Variants in HMCN2 observed in about 807,000 individuals in gnomAD.
HMCN2 encodes the protein hemicentin-2.
A neutral mutation model predicts 377.5 loss-of-function variants in HMCN2; 325 were observed. The ratio of observed to expected loss-of-function variants is 0.86; its 90% CI spans 0.79 to 0.94. The LOEUF (loss-of-function observed/expected upper bound fraction) is 0.94. HMCN2 is among the 40% of genes least tolerant of loss of function. The pLI is 0.00. For missense variants in HMCN2, 4,543 were observed against 4,725.3 expected, an observed-to-expected ratio of 0.96 and a Z score of 1.13; for synonymous variants, 2,007 against 2,046.8, an observed-to-expected ratio of 0.98 and a Z score of 0.53.
chr9:130,384,904 G>C, intron 59 of HMCN2, 106 bp downstream of exon 59: 1 of 717,160 alleles, frequency 1.4e-6, no homozygotes, highest in Non-Finnish European at 2.1e-6. Flanking sequence ...GGAGGCACAG[G>C]GGGAGGCTGG....
At chr9:130,372,186 T>G (rs1841058698) in intron 46 of HMCN2, 108 bp from the exon 47 acceptor site, 1 of 197,702 alleles carries the variant, frequency 5.1e-6, no homozygotes, top group African/African-American at 2.4e-5. Context: ...GAGACAGACA[T>G]GTACACGCCT....
At chr9:130,334,816 C>CCTCT (rs1222248900) in intron 22 of HMCN2, among the ~76,000 whole-genome samples, 1 of 141,550 alleles carries the variant, frequency 7.1e-6, no homozygotes, top group African/African-American at 2.6e-5. Flanking sequence ...CTCTCTCTCT[C>CCTCT]CTCTCTCTCT....
chr9:130,397,316 C>G (rs1038063810), intron 73 of HMCN2, among the ~76,000 whole-genome samples: 1 of 152,192 alleles, frequency 6.6e-6, no homozygotes, highest in African/African-American at 2.4e-5. Flanking sequence ...GAAAGACCCG[C>G]CCCCCAATTC....
chr9:130,392,857 C>CTGG (rs1842400988), intron 66 of HMCN2, among the ~76,000 whole-genome samples: 1 of 151,026 alleles, frequency 6.6e-6, no homozygotes, highest in South Asian at 2.1e-4. Context: ...TTAGCCGGGC[C>CTGG]TGGTGGCGGG....
At chr9:130,288,032 C>T (rs189931584) in intron 4 of HMCN2, among the ~76,000 whole-genome samples, 4 of 152,314 alleles carry the variant, frequency 2.6e-5, no homozygotes, top group East Asian at 1.9e-4. Context: ...AGCCTACCCT[C>T]GCACCGAGTC....
At chr9:130,382,541 A>G in intron 55 of HMCN2, 138 bp from the exon 56 acceptor site, 2 of 203,168 alleles carry the variant, frequency 9.8e-6, no homozygotes, top group Non-Finnish European at 1.7e-5. Flanking sequence ...TAGCTGCATC[A>G]GGGATTGGGA....
rs1841349977 is a variant in HMCN2, at chr9:130,375,864, G to GCC, written c.7805-8_7805-7dup. The GCC allele has an allele frequency of 2.5e-5, 25 of 985,536 alleles. No homozygotes were observed. Among genetic ancestry groups the GCC allele is most frequent in the Non-Finnish European group, 3.0e-5 (25 of 829,710 alleles). The allele number at this position is 985,536 out of a possible 1,614,324, so 61.0% of individuals were successfully genotyped here. A position where few individuals can be genotyped will look rare whatever the true frequency, so the allele number is the denominator to read the frequency against. On this transcript the variant is annotated splice_polypyrimidine_tract_variant and intron_variant, in intron 50 of 97. Transcript: ENST00000683500. ...AGATTTGGGGTGACCCTGGCCACTG[G>GCC]CCCCCACACAGGTACCCACGGGCTG...
intron 4 of HMCN2, among the ~76,000 whole-genome samples, chr9:130,286,920 T>A (rs1554927990): frequency 1.3e-5 from 2 of 151,988 alleles, no homozygotes; most frequent in African/African-American, 4.8e-5. Flanking sequence ...CATGGTATCA[T>A]CCTGTTCAGG....
At chr9:130,285,421 G>A in intron 3 of HMCN2, 105 bp downstream of exon 3, 1 of 407,188 alleles carries the variant, frequency 2.5e-6, no homozygotes, top group Non-Finnish European at 5.0e-6. Flanking sequence ...GCAGAGCTGG[G>A]CACTTCTCTT....
chr9:130,340,612 C>T (rs1274972120), intron 23 of HMCN2, among the ~76,000 whole-genome samples: 5 of 152,168 alleles, frequency 3.3e-5, no homozygotes, highest in African/African-American at 7.2e-5. Context: ...CTCCGCCTCC[C>T]GGGTTCAAGC....
intron 76 of HMCN2, 39 bp downstream of exon 76, chr9:130,399,671 G>C: frequency 8.0e-7 from 1 of 1,257,456 alleles, no homozygotes; most frequent in Non-Finnish European, 1.0e-6. Context: ...ACCTGGGGTG[G>C]GGGCAGCGCC....
chr9:130,399,418 A>G, intron 75 of HMCN2, 93 bp from the exon 76 acceptor site: 1 of 1,160,726 alleles, frequency 8.6e-7, no homozygotes, highest in Non-Finnish European at 1.1e-6. Flanking sequence ...AGATACAGGA[A>G]GGGGAAATGG....
intron 25 of HMCN2, among the ~76,000 whole-genome samples, chr9:130,346,228 C>A (rs920062482): frequency 1.3e-5 from 2 of 152,042 alleles, no homozygotes; most frequent in African/African-American, 4.8e-5. Flanking sequence ...CTGGGGCTCA[C>A]GCTGCGACCT....
intron 31 of HMCN2, 35 bp from the exon 32 acceptor site, chr9:130,354,728 T>C (rs1030738225): frequency 2.4e-6 from 3 of 1,266,962 alleles, no homozygotes; most frequent in Non-Finnish European, 3.1e-6. Flanking sequence ...AGCGTCCAGC[T>C]GTGGTCCCCA....
chr9:130,373,729 ATAGGTAGG>A (rs201716505), intron 48 of HMCN2, among the ~76,000 whole-genome samples: 219 of 81,620 alleles, frequency 2.7e-3, no homozygotes, highest in Non-Finnish European at 3.8e-3. Flanking sequence ...GGATGGATGG[ATAGGTAGG>A]TGGATGGATA....
intron 15 of HMCN2, among the ~76,000 whole-genome samples, chr9:130,315,947 T>A (rs1303431170): frequency 6.6e-6 from 1 of 152,120 alleles, no homozygotes; most frequent in Non-Finnish European, 1.5e-5. Flanking sequence ...CCATCTCCAA[T>A]ACCATCACAC....
In HMCN2 at chr9:130,358,443, C is replaced by T. The variant is rs1840168925; in HGVS notation, c.5634C>T (p.Asn1878=). Residue 1878 remains asparagine, a synonymous_variant, in exon 36 of 98, where the codon AAC becomes AAT. Coordinates refer to ENST00000683500, the MANE Select transcript of HMCN2 (RefSeq NM_001291815.2). ...DEGIYTCAAT[N]LAGESKREVA... ...GCATCTACACTTGTGCTGCTACCAA[C>T]CTGGCTGGGGAGAGCAAGAGGGAAG... 9 of 1,304,216 alleles carry T rather than the reference C, an allele frequency of 6.9e-6. No homozygotes were observed. The South Asian group carries it at 9.9e-5, about 14-fold the overall frequency. The allele number at this position is 1,304,216 out of a possible 1,614,324, so 80.8% of individuals were successfully genotyped here. A position where few individuals can be genotyped will look rare whatever the true frequency, so the allele number is the denominator to read the frequency against.
chr9:130,292,422 T>G (rs1835832477), intron 4 of HMCN2, among the ~76,000 whole-genome samples: 1 of 152,190 alleles, frequency 6.6e-6, no homozygotes, highest in South Asian at 2.1e-4. Flanking sequence ...CTCCCACATT[T>G]ATGAGTGGGC....
At chr9:130,357,733 A>G in intron 34 of HMCN2, 101 bp from the exon 35 acceptor site, 1 of 920,254 alleles carries the variant, frequency 1.1e-6, no homozygotes. Flanking sequence ...CCAGCCCTTC[A>G]AGGGCACCTT....
Sources: allele counts gnomAD v4.1 joint callset (sites outside exome capture counted in the v4.1 genomes callset), GRCh38; gene constraint gnomAD v4.1.1; transcripts MANE v1.5; gene names NCBI Gene and HGNC (gene_info 2026-07-23, HGNC 2026-07-21).